GON4L: variants seen among roughly 807,000 people sequenced by gnomAD.
GON4L encodes gon-4 like.
Under a neutral mutation model 211.8 loss-of-function variants are expected in GON4L, and 87 were observed. The ratio of observed to expected loss-of-function variants is 0.41; its 90% confidence interval spans 0.35 to 0.49. GON4L has a LOEUF of 0.49. GON4L is among the 20% of genes least tolerant of loss of function. The probability of loss-of-function intolerance (pLI) is 0.15; values close to 1 mark genes in which losing one functional copy is unlikely to be tolerated. For synonymous variants in GON4L, 875 were observed against 962.6 expected (o/e 0.91, Z 1.68); for missense variants, 2,155 against 2,659.5 (o/e 0.81, Z 4.17).
At chr1:155,764,481 C>G (rs1217390996) in intron 21 of GON4L, 1 of 211,990 alleles carries the variant, frequency 4.7e-6, no homozygotes, top group Non-Finnish European at 9.1e-6. Context: ...GCTCTGTTGC[C>G]CAGGCTGGAG....
chr1:155,797,889 G>A (rs912999769), intron 11 of GON4L, among the ~76,000 whole-genome samples: 2 of 149,908 alleles, frequency 1.3e-5, no homozygotes, highest in Non-Finnish European at 3.0e-5. Context: ...TATATCCTGG[G>A]CAACACAGTG....
intron 15 of GON4L, among the ~76,000 whole-genome samples, chr1:155,777,175 C>T (rs1036142479): frequency 2.6e-5 from 4 of 152,202 alleles, no homozygotes; most frequent in African/African-American, 9.7e-5. Flanking sequence ...ATGATGACTT[C>T]TCGAGCTCCT....
chr1:155,793,923 T>C (rs1171182605), intron 12 of GON4L, among the ~76,000 whole-genome samples: 1 of 152,098 alleles, frequency 6.6e-6, no homozygotes, highest in East Asian at 1.9e-4. Context: ...TGATATAATT[T>C]TTTATAGAAA....
At chr1:155,795,561 A>G (rs773714385) in intron 11 of GON4L, among the ~76,000 whole-genome samples, 1 of 152,110 alleles carries the variant, frequency 6.6e-6, no homozygotes, top group Non-Finnish European at 1.5e-5. Context: ...CAAATCCAAA[A>G]CTCCAAAATC....
In GON4L at chr1:155,750,744, A is replaced by G; in HGVS notation, c.6577-11T>C. 8.3e-6 allele frequency: 13 copies of G among 1,567,442 alleles called. No individual in the cohort carries two copies. Among genetic ancestry groups the G allele is most frequent in the Non-Finnish European group, 1.1e-5 (13 of 1,156,318 alleles). On this transcript the variant is annotated splice_polypyrimidine_tract_variant and intron_variant, in intron 31 of 31. Transcript: ENST00000368331. ...AAAACGGTGGGAAACCTAAGAAAGG[A>G]GGAGGGCTGTATTCACTGGTCTTTT...
chr1:155,800,273 T>G (rs1666509440), intron 11 of GON4L, among the ~76,000 whole-genome samples: 1 of 151,228 alleles, frequency 6.6e-6, no homozygotes, highest in Admixed American at 6.6e-5. Context: ...AAAAAATGGT[T>G]TAGGCCGGGC....
In GON4L at chr1:155,777,746, A is replaced by G. The variant is rs781211644; in HGVS notation, c.1967T>C (p.Met656Thr). 2 of 1,613,418 alleles carry G rather than the reference A, an allele frequency of 1.2e-6. No homozygotes were observed. Among genetic ancestry groups the G allele is most frequent in the Non-Finnish European group, 1.7e-6 (2 of 1,179,414 alleles). The change falls in exon 15 of 32, where the codon ATG (methionine) becomes ACG (threonine). Residue 656 changes from methionine to threonine, a missense_variant. This residue lies in a region of GON4L where 551 missense variants were observed against 854.0 expected (regional missense o/e 0.65). Transcript: ENST00000368331. Reference sequence around the variant, plus strand: ...CAGCTGTTTGGCTGAAGATTTCTTCATCTTCAGCTGTTCAAATAGCTCCTT... The same window carrying G: ...CAGCTGTTTGGCTGAAGATTTCTTCGTCTTCAGCTGTTCAAATAGCTCCTT... ...TVKELFEQLK[M>T]KKSSAKQLQE... is the part of the protein sequence containing the mutation.
At position 155,752,182 on chromosome 1, in the gene GON4L, C is replaced by T. The variant is rs756714085; in HGVS notation, c.6251G>A (p.Arg2084Gln). 8.1e-6 allele frequency: 13 copies of T among 1,613,544 alleles called. No individual in the cohort carries two copies. The highest frequency in any genetic ancestry group is 1.1e-5 in the South Asian group (1 of 91,066). The part of the protein sequence containing the change: ...QERWLPSSRA[R>Q]VKTRDRTCPV... ...GCACGTCCTGTCTCTTGTCTTCACC[C>T]GAGCTCTGCTTGAGGGCAGCCATCT... The change falls in exon 30 of 32, where the codon CGG becomes CAG. Residue 2084 changes from arginine (R) to glutamine (Q), a missense_variant. Physicochemically the swap from Arg to Gln is conservative, Grantham distance 43. Coordinates refer to ENST00000368331, the MANE Select transcript of GON4L (RefSeq NM_001282860.2).
downstream of GON4L, among the ~76,000 whole-genome samples, chr1:155,745,558 G>A (rs1256556512): frequency 2.0e-5 from 3 of 152,248 alleles, no homozygotes; most frequent in African/African-American, 7.2e-5. Flanking sequence ...GTCAGCGGCG[G>A]AGACAGCGCC....
intron 7 of GON4L, 89 bp downstream of exon 7, chr1:155,816,123 A>G: frequency 4.1e-6 from 3 of 737,544 alleles, no homozygotes; most frequent in Non-Finnish European, 7.3e-6. Context: ...ACAAAGATTG[A>G]TCAAGAAAAG....
At chr1:155,824,421 C>A (rs1213599987) in intron 3 of GON4L, among the ~76,000 whole-genome samples, 1 of 65,312 alleles carries the variant, frequency 1.5e-5, no homozygotes, top group Non-Finnish European at 2.7e-5. Context: ...GTGACGAGAG[C>A]AAAACTCCAC....
intron 14 of GON4L, among the ~76,000 whole-genome samples, chr1:155,781,741 G>A (rs7530530): frequency 0.83 from 126,790 of 151,882 alleles, 55,395 homozygotes; most frequent in East Asian, 1. Context: ...GATTACTGGC[G>A]TGAGCCACCG....
At chr1:155,750,812 G>A (rs1660493781) in intron 31 of GON4L, 79 bp from the exon 32 acceptor site, 1 of 1,337,380 alleles carries the variant, frequency 7.5e-7, no homozygotes, top group Non-Finnish European at 1.0e-6. Context: ...TGCTGAGACT[G>A]GAGTGCAGTG....
At chr1:155,772,958 G>T (rs1242091093) in intron 18 of GON4L, 108 bp downstream of exon 18, 2 of 1,420,658 alleles carry the variant, frequency 1.4e-6, no homozygotes, top group Admixed American at 1.7e-5. Context: ...TTTGTCTTTT[G>T]TGTCCGTGTC....
At chr1:155,783,414 C>T (rs1470888315) in intron 14 of GON4L, among the ~76,000 whole-genome samples, 3 of 152,156 alleles carry the variant, frequency 2.0e-5, no homozygotes, top group African/African-American at 7.2e-5. Context: ...TGCTGCTACT[C>T]GCAATGGATA....
chr1:155,815,907 T>C lies in GON4L; in HGVS notation c.1066-7A>G. 6.9e-7 allele frequency: 1 copy of C among 1,458,674 alleles called. No individual in the cohort carries two copies. The highest frequency in any genetic ancestry group is 9.6e-7 in the Non-Finnish European group (1 of 1,038,710). The allele number at this position is 1,458,674 out of a possible 1,614,324, so 90.4% of individuals were successfully genotyped here. On this transcript the variant is annotated splice_region_variant and splice_polypyrimidine_tract_variant and intron_variant, in intron 7 of 31. Transcript: ENST00000368331. ...TATCCACAAACTGAGGAGGCTACAT[T>C]AGTACAATTAGAAAGAAATGAAGTA... is the stretch of plus-strand genomic sequence containing the variant.
intron 17 of GON4L, among the ~76,000 whole-genome samples, chr1:155,773,731 C>A (rs1322858357): frequency 2.6e-5 from 4 of 152,194 alleles, no homozygotes; most frequent in Non-Finnish European, 4.4e-5. Context: ...ACAATTCAGT[C>A]TCATTCATTT....
At chr1:155,847,836 T>C (rs975370029) in intron 2 of GON4L, among the ~76,000 whole-genome samples, 1 of 152,090 alleles carries the variant, frequency 6.6e-6, no homozygotes, top group African/African-American at 2.4e-5. Flanking sequence ...ATCGTGCCAC[T>C]ACACTCCAGC....
chr1:155,758,598 G>A (rs1471870234), intron 24 of GON4L, among the ~76,000 whole-genome samples: 8 of 152,278 alleles, frequency 5.3e-5, no homozygotes. Flanking sequence ...CTGTCTACAG[G>A]CCAGCTGTGG....
Sources: allele counts gnomAD v4.1 joint callset (sites outside exome capture counted in the v4.1 genomes callset), GRCh38; gene constraint gnomAD v4.1.1; regional missense constraint gnomAD v4.1.1; transcripts MANE v1.5; gene names NCBI Gene and HGNC (gene_info 2026-07-23, HGNC 2026-07-21).